The following SYNE2 variants were observed in gnomAD, a reference collection of about 807,000 sequenced individuals.
SYNE2 encodes the protein nesprin-2.
In SYNE2, 431 loss-of-function variants were observed where a neutral mutation model predicts 856.3. That is an observed-to-expected ratio of 0.50 (90% CI 0.47 to 0.55). The LOEUF (loss-of-function observed/expected upper bound fraction) is 0.55, where lower values mean the gene tolerates loss of function less well. Among genes scored for constraint, SYNE2 ranks in the 20% least tolerant of loss-of-function variants. The pLI, the probability that SYNE2 is intolerant of heterozygous loss-of-function variation, is 0.00. For synonymous variants in SYNE2, 2,923 were observed against 2,872.3 expected, an observed-to-expected ratio of 1.02 and a Z score of -0.56; for missense variants, 8,129 against 8,023.2, an observed-to-expected ratio of 1.01 and a Z score of -0.50.
intron 1 of SYNE2, among the ~76,000 whole-genome samples, chr14:63,855,836 G>T (rs763188720): frequency 6.6e-6 from 1 of 152,176 alleles, no homozygotes; most frequent in Admixed American, 6.5e-5. Context: ...GGTAACTGGC[G>T]TATAGCAGGT....
At chr14:64,095,096 G>A (rs1567279432) in intron 61 of SYNE2, 1 of 170,288 alleles carries the variant, frequency 5.9e-6, no homozygotes, top group Non-Finnish European at 1.5e-5. Flanking sequence ...CAAAAACCGC[G>A]ATTACTTTTG....
chr14:64,143,382 A>G (rs2098155783), intron 82 of SYNE2, among the ~76,000 whole-genome samples: 1 of 152,134 alleles, frequency 6.6e-6, no homozygotes, highest in African/African-American at 2.4e-5. Flanking sequence ...TCTGAAAGAG[A>G]CTTTACTTCC....
At chr14:64,145,552 T>C (rs1395834499) in intron 83 of SYNE2, among the ~76,000 whole-genome samples, 1 of 150,850 alleles carries the variant, frequency 6.6e-6, no homozygotes, top group Non-Finnish European at 1.5e-5. Context: ...GTAGTTATAA[T>C]GTATGTAAAA....
intron 16 of SYNE2, among the ~76,000 whole-genome samples, 197 bp downstream of exon 16, chr14:63,981,370 A>G (rs1426631268): frequency 6.6e-6 from 1 of 152,024 alleles, no homozygotes; most frequent in African/African-American, 2.4e-5. Context: ...GTTTATATAT[A>G]CATGGTCAAA....
intron 66 of SYNE2, among the ~76,000 whole-genome samples, chr14:64,117,848 T>C (rs1036155524): frequency 6.6e-6 from 1 of 152,164 alleles, no homozygotes; most frequent in Non-Finnish European, 1.5e-5. Context: ...AGTATGAATA[T>C]GCTGGACAAA....
rs979276733 is a variant in SYNE2, at chr14:64,129,741, T to A, written c.14020-41T>A. 5 of 1,613,042 alleles carry A rather than the reference T, an allele frequency of 3.1e-6. No homozygotes were observed. The African/African-American group carries it at 6.7e-5, about 22-fold the overall frequency. ...AGATAACTATGTGTACTTCTCTGAC[T>A]TACTGAAGGGTTTTCTTTTCTTGTA... On this transcript the variant is annotated intron_variant, in intron 74 of 115. Transcript: ENST00000555002.
At position 64,007,219 on chromosome 14, in the gene SYNE2, A is replaced by G. The variant is rs937820393; in HGVS notation, c.4574A>G (p.Glu1525Gly). ...GAGAATACCAAAGCCTTGGTCACCG[A>G]ATGGTAAGGAAAAAAAAGAATCCCT... ...LWENTKALVT[E>G]CLEQCGRVLE... is the part of the protein sequence containing the mutation. Residue 1525 changes from glutamate (E) to glycine (G), a missense_variant, in exon 31 of 116, where the codon GAA (glutamate) becomes GGA (glycine). Around this residue, in one of 3 missense-constraint regions of SYNE2, gnomAD observed 2,422 missense variants for 2,357.4 expected, o/e 1.03. Coordinates refer to ENST00000555002, the MANE Select transcript of SYNE2 (RefSeq NM_182914.3). 6.2e-7 allele frequency: 1 copy of G among 1,613,720 alleles called. No individual in the cohort carries two copies. The highest frequency in any genetic ancestry group is 8.5e-7 in the Non-Finnish European group (1 of 1,179,774).
intron 64 of SYNE2, among the ~76,000 whole-genome samples, chr14:64,103,729 T>C (rs1032096265): frequency 2.6e-5 from 4 of 152,106 alleles, no homozygotes; most frequent in African/African-American, 7.2e-5. Context: ...TTCTCTTCCT[T>C]GTGGCCCCAC....
At chr14:64,047,861 C>G (rs754826058) in intron 45 of SYNE2, 139 bp from the exon 46 acceptor site, 16 of 907,294 alleles carry the variant, frequency 1.8e-5, no homozygotes, top group Non-Finnish European at 2.5e-5. Flanking sequence ...GAAAAATCAT[C>G]TTTCGTAGTG....
In SYNE2 at chr14:64,177,384, CA is replaced by C; in HGVS notation, c.17459del (p.Lys5820ArgfsTer3). The C allele has an allele frequency of 1.2e-6, 2 of 1,614,082 alleles. No individual in the cohort carries two copies. The highest frequency in any genetic ancestry group is 1.7e-6 in the Non-Finnish European group (2 of 1,180,008). ...CCTGGGACCAGTGTGAAAAGAAAAT[CA>C]AGGAGTTGAAAAGCAGGCTGCAAGT... is the stretch of plus-strand genomic sequence containing the variant. ...ETWDQCEKKI[K>X]ELKSRLQVLK... On this transcript the variant is annotated frameshift_variant, in exon 96 of 116. Coordinates refer to ENST00000555002, the MANE Select transcript of SYNE2 (RefSeq NM_182914.3). LOFTEE classifies it high-confidence loss of function.
intron 85 of SYNE2, among the ~76,000 whole-genome samples, chr14:64,153,938 T>C (rs568019754): frequency 3.3e-5 from 5 of 152,234 alleles, no homozygotes; most frequent in Admixed American, 3.3e-4. Flanking sequence ...GAAAACACTT[T>C]CTTGAAAAAT....
intron 8 of SYNE2, among the ~76,000 whole-genome samples, chr14:63,959,717 T>C (rs963321044): frequency 2.6e-5 from 4 of 152,184 alleles, no homozygotes; most frequent in African/African-American, 7.2e-5. Flanking sequence ...CCTTCTTTTC[T>C]CCCTTTCTTT....
At chr14:63,852,165 A>G (rs1231260378), upstream of SYNE2, among the ~76,000 whole-genome samples, 1 of 152,110 alleles carries the variant, frequency 6.6e-6, no homozygotes, top group Non-Finnish European at 1.5e-5. Flanking sequence ...GAAACTCAAT[A>G]GAGAAATATT....
chr14:63,832,973 C>T (rs1485895983), intron 1 of SYNE2, among the ~76,000 whole-genome samples: 1 of 151,280 alleles, frequency 6.6e-6, no homozygotes, highest in Non-Finnish European at 1.5e-5. Context: ...GCTGAGATCA[C>T]TCCACTGCAC....
At chr14:64,155,519 G>T (rs1224187790) in intron 85 of SYNE2, among the ~76,000 whole-genome samples, 1 of 151,090 alleles carries the variant, frequency 6.6e-6, no homozygotes, top group African/African-American at 2.4e-5. Flanking sequence ...TGATTATGGA[G>T]ATTACACATT....
intron 50 of SYNE2, 112 bp downstream of exon 50, chr14:64,063,007 G>T: frequency 8.2e-7 from 1 of 1,216,708 alleles, no homozygotes; most frequent in South Asian, 1.3e-5. Context: ...TCTTCACAGT[G>T]AGTTAAATAT....
intron 97 of SYNE2, among the ~76,000 whole-genome samples, chr14:64,187,119 A>T (rs1428896110): frequency 6.6e-6 from 1 of 152,256 alleles, no homozygotes; most frequent in African/African-American, 2.4e-5. Flanking sequence ...ACTTCAACTT[A>T]TTAAGAATGG....
At chr14:64,048,945 A>G (rs1485147893) in intron 46 of SYNE2, 1 of 151,018 alleles carries the variant, frequency 6.6e-6, no homozygotes, top group Non-Finnish European at 1.5e-5. Context: ...TAAACAACCC[A>G]TGCAATTTTA....
Position 64,137,971 on chromosome 14 carries a change from A to G in SYNE2, c.14831A>G (p.Lys4944Arg). The G allele has an allele frequency of 6.2e-7, 1 of 1,613,848 alleles. No individual in the cohort carries two copies. The highest frequency in any genetic ancestry group is 8.5e-7 in the Non-Finnish European group (1 of 1,179,856). Residue 4944 changes from lysine to arginine, a missense_variant, in exon 79 of 116, where the codon AAG (lysine) becomes AGG (arginine). By Grantham distance (26) the Lys-to-Arg change is conservative. Transcript: ENST00000555002. ...HELHRLQALL[K>R]HLLSYNRDSD... ...CTCCACAGGCTGCAAGCTCTTCTCA[A>G]GCATCTGCTCAGGTCAGCCTTTTTG...
Sources: allele counts gnomAD v4.1 joint callset (sites outside exome capture counted in the v4.1 genomes callset), GRCh38; gene constraint gnomAD v4.1.1; regional missense constraint gnomAD v4.1.1; transcripts MANE v1.5; gene names NCBI Gene and HGNC (gene_info 2026-07-23, HGNC 2026-07-21).